Variants in ARHGAP22 observed in about 807,000 individuals in gnomAD.
ARHGAP22 encodes the protein Rho GTPase activating protein 22.
ARHGAP22 carries 48 observed loss-of-function variants against 59.1 expected under a neutral mutation model. The observed-to-expected ratio is 0.81, with a 90% confidence interval of 0.64 to 1.03. The LOEUF (loss-of-function observed/expected upper bound fraction) is 1.03, where lower values mean the gene tolerates loss of function less well. ARHGAP22 is among the 50% of genes least tolerant of loss of function. The pLI is 0.00. For synonymous variants in ARHGAP22, 445 were observed against 416.4 expected (o/e 1.07, Z -0.84); for missense variants, 1,015 against 958.7 (o/e 1.06, Z -0.78).
intron 8 of ARHGAP22, chr10:48,451,624 A>C (rs551276681): frequency 1.4e-6 from 1 of 692,470 alleles, no homozygotes; most frequent in Non-Finnish European, 2.6e-6. Flanking sequence ...GGGGGCACAC[A>C]CATACAATTG....
At chr10:48,589,222 T>C (rs2059612076) in intron 1 of ARHGAP22, among the ~76,000 whole-genome samples, 1 of 152,162 alleles carries the variant, frequency 6.6e-6, no homozygotes, top group Non-Finnish European at 1.5e-5. Flanking sequence ...TCCGATGCCC[T>C]GTGGTGGCTC....
intron 1 of ARHGAP22, among the ~76,000 whole-genome samples, chr10:48,640,336 T>C (rs2061992148): frequency 6.6e-6 from 1 of 152,178 alleles, no homozygotes; most frequent in African/African-American, 2.4e-5. Context: ...TACTGACAAC[T>C]TCCTAAATTT....
At chr10:48,544,423 C>T (rs1169033580) in intron 3 of ARHGAP22, among the ~76,000 whole-genome samples, 1 of 151,736 alleles carries the variant, frequency 6.6e-6, no homozygotes, top group Non-Finnish European at 1.5e-5. Flanking sequence ...TCTCCCCTTG[C>T]TTCTTTCATT....
At chr10:48,497,952 C>T (rs191752339) in intron 3 of ARHGAP22, among the ~76,000 whole-genome samples, 7 of 152,254 alleles carry the variant, frequency 4.6e-5, no homozygotes, top group African/African-American at 1.2e-4. Flanking sequence ...GGAGGGGAGG[C>T]GATAGACTGA....
chr10:48,464,521 TG>T (rs943925908), intron 4 of ARHGAP22, among the ~76,000 whole-genome samples: 7 of 151,658 alleles, frequency 4.6e-5, no homozygotes, highest in Non-Finnish European at 8.8e-5. Flanking sequence ...GGTAGGCGGG[TG>T]GGGGTGCAGG....
At chr10:48,605,158 A>G (rs1318176269), upstream of ARHGAP22, 12 of 1,029,934 alleles carry the variant, frequency 1.2e-5, no homozygotes, top group Non-Finnish European at 1.2e-5. Flanking sequence ...CGGGGCCGAG[A>G]GGGGCGGGGC....
At chr10:48,477,533 G>C (rs1472307646) in intron 4 of ARHGAP22, among the ~76,000 whole-genome samples, 1 of 152,192 alleles carries the variant, frequency 6.6e-6, no homozygotes, top group Non-Finnish European at 1.5e-5. Context: ...GCTTCATATG[G>C]AATTGCTGGG....
At chr10:48,517,655 C>G (rs1341331418) in intron 3 of ARHGAP22, among the ~76,000 whole-genome samples, 2 of 152,098 alleles carry the variant, frequency 1.3e-5, no homozygotes, top group Non-Finnish European at 2.9e-5. Flanking sequence ...CCCTGGAGGC[C>G]AGCAGCGTTG....
At chr10:48,536,528 C>T (rs1234548842) in intron 3 of ARHGAP22, among the ~76,000 whole-genome samples, 2 of 152,220 alleles carry the variant, frequency 1.3e-5, no homozygotes, top group Admixed American at 6.5e-5. Flanking sequence ...TTGGCTCACT[C>T]AACCTCCAGT....
intron 3 of ARHGAP22, among the ~76,000 whole-genome samples, chr10:48,503,291 A>C (rs1306564898): frequency 1.3e-5 from 2 of 152,206 alleles, no homozygotes; most frequent in African/African-American, 4.8e-5. Context: ...GGCTGATGTA[A>C]CTGATGCTGA....
At chr10:48,548,196 C>A (rs2056612957) in intron 3 of ARHGAP22, among the ~76,000 whole-genome samples, 1 of 152,142 alleles carries the variant, frequency 6.6e-6, no homozygotes, top group South Asian at 2.1e-4. Context: ...AGCTCCTGGC[C>A]CCGTGACAGC....
At chr10:48,556,210 T>C (rs1391311289) in intron 2 of ARHGAP22, among the ~76,000 whole-genome samples, 1 of 152,140 alleles carries the variant, frequency 6.6e-6, no homozygotes, top group Non-Finnish European at 1.5e-5. Flanking sequence ...GTCCCAGCCT[T>C]GCACTTCCAG....
chr10:48,608,345 C>T (rs2060753157), upstream of ARHGAP22, among the ~76,000 whole-genome samples: 1 of 152,156 alleles, frequency 6.6e-6, no homozygotes, highest in Admixed American at 6.5e-5. Flanking sequence ...GGTAAGGAGG[C>T]TGAATTTGGG....
At chr10:48,650,200 C>T (rs923460385) in intron 1 of ARHGAP22, among the ~76,000 whole-genome samples, 1 of 122,662 alleles carries the variant, frequency 8.2e-6, no homozygotes, top group African/African-American at 3.0e-5. Context: ...CATTGCCAGT[C>T]CATTTTTAGA....
At chr10:48,449,917 G>T (rs995135715) in intron 9 of ARHGAP22, among the ~76,000 whole-genome samples, 1 of 152,222 alleles carries the variant, frequency 6.6e-6, no homozygotes, top group Non-Finnish European at 1.5e-5. Flanking sequence ...ACAAGCCTGG[G>T]ACCTGCCTCC....
downstream of ARHGAP22, among the ~76,000 whole-genome samples, chr10:48,442,479 C>G (rs1239214079): frequency 1.3e-5 from 2 of 152,200 alleles, no homozygotes; most frequent in Non-Finnish European, 2.9e-5. Flanking sequence ...TGATGTGAAC[C>G]AAGTGCTGTT....
intron 1 of ARHGAP22, among the ~76,000 whole-genome samples, chr10:48,617,224 G>C (rs1437182582): frequency 1.3e-5 from 2 of 151,986 alleles, no homozygotes; most frequent in African/African-American, 4.8e-5. Flanking sequence ...TAAAGCTAAA[G>C]AGAGAGATAG....
intron 4 of ARHGAP22, among the ~76,000 whole-genome samples, chr10:48,468,057 A>G (rs772954640): frequency 1.3e-5 from 2 of 152,260 alleles, no homozygotes; most frequent in Non-Finnish European, 2.9e-5. Context: ...AATAAATATT[A>G]GGCAAAAAAT....
At chr10:48,455,723 G>A (rs932747329) in intron 5 of ARHGAP22, among the ~76,000 whole-genome samples, 8 of 152,354 alleles carry the variant, frequency 5.3e-5, no homozygotes, top group African/African-American at 1.9e-4. Context: ...CCCCCAGCCC[G>A]AGCTTGCCCT....
Sources: gnomAD v4.1 joint callset for allele counts (sites outside exome capture counted in the v4.1 genomes callset) on GRCh38, gnomAD v4.1.1 for gene constraint, MANE v1.5 for transcripts, NCBI Gene and HGNC (gene_info 2026-07-23, HGNC 2026-07-21) for gene names.